The following CREB5 variants were observed in gnomAD, a reference collection of about 807,000 sequenced individuals.
CREB5 encodes cAMP responsive element binding protein 5.
Under a neutral mutation model 57.1 loss-of-function variants are expected in CREB5, and 19 were observed. The ratio of observed to expected loss-of-function variants is 0.33; its 90% CI spans 0.23 to 0.49. The LOEUF (loss-of-function observed/expected upper bound fraction) is 0.49. Among genes scored for constraint, CREB5 ranks in the 20% least tolerant of loss-of-function variants. The pLI is 0.99. For missense variants in CREB5, 579 were observed against 671.6 expected, an observed-to-expected ratio of 0.86 and a Z score of 1.52; for synonymous variants, 238 against 238.3, an observed-to-expected ratio of 1.00 and a Z score of 0.01.
At chr7:28,385,905 G>T (rs1158400065) in intron 1 of CREB5, among the ~76,000 whole-genome samples, 1 of 152,088 alleles carries the variant, frequency 6.6e-6, no homozygotes, top group African/African-American at 2.4e-5. Context: ...AACCCCGCTG[G>T]TAGGAATCAT....
At chr7:28,539,846 C>T (rs1474701929) in intron 4 of CREB5, among the ~76,000 whole-genome samples, 1 of 152,202 alleles carries the variant, frequency 6.6e-6, no homozygotes, top group Admixed American at 6.5e-5. Context: ...GATGAACCAT[C>T]ATGGTATCAG....
intron 1 of CREB5, among the ~76,000 whole-genome samples, chr7:28,338,194 A>G (rs1785863752): frequency 6.6e-6 from 1 of 152,104 alleles, no homozygotes; most frequent in East Asian, 1.9e-4. Flanking sequence ...GTTTTTCTGC[A>G]TACTTACTAT....
chr7:28,355,691 A>T (rs965835693), intron 1 of CREB5, among the ~76,000 whole-genome samples: 1 of 152,202 alleles, frequency 6.6e-6, no homozygotes, highest in Non-Finnish European at 1.5e-5. Flanking sequence ...ACTGATTAAC[A>T]TGTCATCTGA....
At chr7:28,690,273 C>T (rs1244580514) in intron 5 of CREB5, among the ~76,000 whole-genome samples, 1 of 152,192 alleles carries the variant, frequency 6.6e-6, no homozygotes, top group Non-Finnish European at 1.5e-5. Context: ...TGCTAAGCAA[C>T]AGAAGAGGCA....
chr7:28,428,632 G>C (rs1233164117), intron 1 of CREB5, among the ~76,000 whole-genome samples: 2 of 152,224 alleles, frequency 1.3e-5, no homozygotes, highest in East Asian at 1.9e-4. Context: ...AAGACGGCAG[G>C]TAGAACAGGG....
At chr7:28,431,132 C>A (rs946676755) in intron 1 of CREB5, among the ~76,000 whole-genome samples, 15 of 152,164 alleles carry the variant, frequency 9.9e-5, no homozygotes, top group Admixed American at 6.5e-4. Flanking sequence ...AGATGGGAGT[C>A]TCAGACTTTC....
intron 4 of CREB5, among the ~76,000 whole-genome samples, chr7:28,547,767 C>T (rs1015538002): frequency 3.3e-5 from 5 of 152,192 alleles, no homozygotes; most frequent in South Asian, 4.1e-4. Context: ...TGACATCTCT[C>T]GCATTGTCAT....
At chr7:28,472,055 C>T (rs1190741213) in intron 1 of CREB5, among the ~76,000 whole-genome samples, 1 of 151,878 alleles carries the variant, frequency 6.6e-6, no homozygotes, top group African/African-American at 2.4e-5. Flanking sequence ...ACAAATCTAA[C>T]CTATGGAGAG....
At chr7:28,410,076 G>T (rs547674326), upstream of CREB5, 5 of 399,282 alleles carry the variant, frequency 1.3e-5, no homozygotes, top group Non-Finnish European at 2.5e-5. Flanking sequence ...GGGTGGGCGC[G>T]CGCGCAGGGG....
chr7:28,678,325 T>A (rs1021613669), intron 5 of CREB5, among the ~76,000 whole-genome samples: 1 of 151,832 alleles, frequency 6.6e-6, no homozygotes, highest in African/African-American at 2.4e-5. Context: ...GAGGTGGAGG[T>A]TGCAGTGAGC....
chr7:28,318,594 C>T (rs1785425664), intron 1 of CREB5, among the ~76,000 whole-genome samples: 1 of 152,198 alleles, frequency 6.6e-6, no homozygotes, highest in Non-Finnish European at 1.5e-5. Flanking sequence ...ATGCCTCACT[C>T]TCAGGGTTGC....
intron 1 of CREB5, among the ~76,000 whole-genome samples, chr7:28,468,202 A>C (rs1302743819): frequency 6.6e-6 from 1 of 152,176 alleles, no homozygotes; most frequent in Non-Finnish European, 1.5e-5. Flanking sequence ...TGGAGTTTAC[A>C]TGTCACAGGC....
rs556058226 is a variant in CREB5, at chr7:28,574,393, G to A, written c.464+3856G>A. Among the ~76,000 whole-genome samples, 3 of 152,304 alleles carry A rather than the reference G, an allele frequency of 2.0e-5. No homozygotes were observed. In the South Asian group the frequency reaches 6.2e-4, roughly 32 times the overall value. On this transcript the variant is annotated intron_variant, in intron 5 of 10. Coordinates refer to ENST00000357727, the MANE Select transcript of CREB5 (RefSeq NM_182898.4). ...GGCAGAAGGGTAGGTAGCACTACTG[G>A]AAGTTAACACACTCTCTCTGTCTCT...
intron 5 of CREB5, among the ~76,000 whole-genome samples, chr7:28,672,394 A>G (rs1031507691): frequency 2.0e-5 from 3 of 152,200 alleles, no homozygotes; most frequent in Admixed American, 1.3e-4. Flanking sequence ...TAGAGTCCCT[A>G]TTGCTTTTTA....
intron 1 of CREB5, among the ~76,000 whole-genome samples, chr7:28,337,989 A>T (rs570052657): frequency 6.6e-6 from 1 of 152,156 alleles, no homozygotes; most frequent in Admixed American, 6.5e-5. Context: ...AGCAAAAAGA[A>T]AACTAATAAA....
intron 5 of CREB5, among the ~76,000 whole-genome samples, chr7:28,583,758 A>G (rs911473143): frequency 6.6e-6 from 1 of 152,046 alleles, no homozygotes; most frequent in African/African-American, 2.4e-5. Context: ...AGCTCAATGC[A>G]ACCTCCACCT....
intron 1 of CREB5, among the ~76,000 whole-genome samples, chr7:28,356,470 C>T (rs1786345819): frequency 6.6e-6 from 1 of 152,196 alleles, no homozygotes; most frequent in African/African-American, 2.4e-5. Context: ...TGAAGTGATA[C>T]ATGTGTTGAT....
chr7:28,818,610 C>T (rs763393394), intron 10 of CREB5, among the ~76,000 whole-genome samples: 1 of 152,156 alleles, frequency 6.6e-6, no homozygotes, highest in Non-Finnish European at 1.5e-5. Context: ...AGTGACTGGC[C>T]TCAGTTTACC....
chr7:28,441,174 A>C (rs1462726217), intron 1 of CREB5, among the ~76,000 whole-genome samples: 3 of 152,176 alleles, frequency 2.0e-5, no homozygotes, highest in African/African-American at 7.2e-5. Flanking sequence ...TCCCTTTTAA[A>C]AATAGAAAGC....
Sources: allele counts gnomAD v4.1 joint callset (sites outside exome capture counted in the v4.1 genomes callset), GRCh38; gene constraint gnomAD v4.1.1; transcripts MANE v1.5; gene names NCBI Gene and HGNC (gene_info 2026-07-23, HGNC 2026-07-21).